TEX11: variants seen among roughly 807,000 people sequenced by gnomAD.
The protein encoded by TEX11 is testis-expressed protein 11.
TEX11 carries 7 observed loss-of-function variants against 84.4 expected under a neutral mutation model. The observed-to-expected ratio is 0.08, with a 90% confidence interval of 0.05 to 0.16. TEX11 has a LOEUF of 0.16. Among genes scored for constraint, TEX11 ranks in the 10% least tolerant of loss-of-function variants. The pLI, the probability that TEX11 is intolerant of heterozygous loss-of-function variation, is 1.00. For missense variants in TEX11, 551 were observed against 660.5 expected, an observed-to-expected ratio of 0.83 and a Z score of 1.82; for synonymous variants, 264 against 222.8, an observed-to-expected ratio of 1.18 and a Z score of -1.64.
chrX:70,879,736 G>T (rs1229418586), intron 3 of TEX11, among the ~76,000 whole-genome samples: 1 of 110,500 alleles, frequency 9.0e-6, no homozygotes, highest in African/African-American at 3.3e-5. Context: ...ACTGAAGCCT[G>T]GGGAGGTTAA....
intron 16 of TEX11, among the ~76,000 whole-genome samples, chrX:70,655,018 A>C (rs1163892474): frequency 9.0e-6 from 1 of 110,501 alleles, no homozygotes; most frequent in South Asian, 3.8e-4. Flanking sequence ...ATAATACTAG[A>C]TATAAAGAAG....
intron 24 of TEX11, among the ~76,000 whole-genome samples, chrX:70,600,028 T>C (rs2147511259): frequency 9.0e-6 from 1 of 111,169 alleles, no homozygotes; most frequent in Admixed American, 9.5e-5. Flanking sequence ...CCTTTGGGTA[T>C]ATACCCAGTA....
intron 11 of TEX11, among the ~76,000 whole-genome samples, chrX:70,726,777 T>C (rs1379165523): frequency 1.8e-5 from 2 of 110,018 alleles, no homozygotes; most frequent in African/African-American, 6.6e-5. Flanking sequence ...GTGATCCACC[T>C]GCCTCAGCCT....
At chrX:70,859,600 A>AAAAAAAG (rs1556187117) in intron 5 of TEX11, among the ~76,000 whole-genome samples, 3 of 96,267 alleles carry the variant, frequency 3.1e-5, no homozygotes, top group African/African-American at 4.3e-5. Flanking sequence ...AAAAAAAAAA[A>AAAAAAAG]AGAGAGAACA....
At chrX:70,736,723 C>T (rs1291297673) in intron 11 of TEX11, among the ~76,000 whole-genome samples, 1 of 111,060 alleles carries the variant, frequency 9.0e-6, no homozygotes, top group Admixed American at 9.6e-5. Flanking sequence ...CTGGCTGATG[C>T]CAATAAAAAG....
intron 5 of TEX11, 123 bp from the exon 6 acceptor site, chrX:70,853,451 A>G (rs980403044): frequency 2.1e-6 from 1 of 486,170 alleles, no homozygotes; most frequent in Non-Finnish European, 3.4e-6. Flanking sequence ...ACAGAAAACA[A>G]AAAGCAACAG....
intron 5 of TEX11, among the ~76,000 whole-genome samples, chrX:70,855,292 T>C (rs1052419628): frequency 1.8e-5 from 2 of 109,945 alleles, no homozygotes; most frequent in Admixed American, 1.9e-4. Flanking sequence ...TGGCCAGACA[T>C]GGTGGCTCAC....
At chrX:70,630,027 T>C (rs1461517996) in intron 17 of TEX11, among the ~76,000 whole-genome samples, 1 of 111,535 alleles carries the variant, frequency 9.0e-6, no homozygotes, top group Non-Finnish European at 1.9e-5. Flanking sequence ...AAGAGTAAAA[T>C]ATGGGCCAGG....
chrX:70,570,691 CAG>C (rs2088582927), intron 25 of TEX11, among the ~76,000 whole-genome samples: 1 of 111,509 alleles, frequency 9.0e-6, no homozygotes, highest in African/African-American at 3.3e-5. Context: ...TAGGACTACT[CAG>C]ATTATTTTTG....
chrX:70,511,752 C>CAAAAAAAAAAAAAA, the TEX11 span, among the ~76,000 whole-genome samples: 1 of 32,724 alleles, frequency 3.1e-5, no homozygotes, highest in Admixed American at 2.8e-4. Flanking sequence ...GACTCCATCT[C>CAAAAAAAAAAAAAA]AAAAAAAAAA....
chrX:70,850,060 T>C (rs2091499544), intron 7 of TEX11, among the ~76,000 whole-genome samples: 1 of 111,991 alleles, frequency 8.9e-6, no homozygotes, highest in African/African-American at 3.2e-5. Flanking sequence ...CATTATAGGA[T>C]TACTATCACT....
chrX:70,803,520 C>T (rs746341307), intron 9 of TEX11, among the ~76,000 whole-genome samples: 131 of 112,064 alleles, frequency 1.2e-3, no homozygotes, highest in Non-Finnish European at 1.9e-3. Context: ...AAACAATACC[C>T]ACTACCACTC....
intron 20 of TEX11, among the ~76,000 whole-genome samples, chrX:70,620,400 G>A (rs752090234): frequency 2.3e-4 from 26 of 111,444 alleles, no homozygotes; most frequent in African/African-American, 8.5e-4. Context: ...AAAACAATGA[G>A]TTACCACTGC....
chrX:70,617,101 T>C (rs1464835814), intron 20 of TEX11, among the ~76,000 whole-genome samples: 4 of 110,765 alleles, frequency 3.6e-5, no homozygotes, highest in Non-Finnish European at 7.6e-5. Context: ...TGTATGCTTG[T>C]ATCAAAATAT....
intron 13 of TEX11, among the ~76,000 whole-genome samples, chrX:70,692,987 G>C (rs775814233): frequency 8.9e-6 from 1 of 111,850 alleles, no homozygotes; most frequent in Non-Finnish European, 1.9e-5. Flanking sequence ...GCACACGCCT[G>C]TAATCCCAGC....
intron 16 of TEX11, among the ~76,000 whole-genome samples, chrX:70,663,090 C>T (rs2089945607): frequency 9.0e-6 from 1 of 111,425 alleles, no homozygotes; most frequent in Non-Finnish European, 1.9e-5. Flanking sequence ...TGAGCCTAGT[C>T]CCCCACAAAA....
chrX:70,533,017 G>A (rs935357584), intron 28 of TEX11, among the ~76,000 whole-genome samples: 1 of 111,119 alleles, frequency 9.0e-6, no homozygotes, highest in Non-Finnish European at 1.9e-5. Context: ...CAGCCTGGGC[G>A]ACAGGGCGAG....
chrX:70,526,670 C>CACAT (rs1434822905), downstream of TEX11, among the ~76,000 whole-genome samples: 1 of 111,372 alleles, frequency 9.0e-6, no homozygotes, highest in African/African-American at 3.3e-5. Flanking sequence ...TACGTATGTA[C>CACAT]ACATACACAC....
At chrX:70,782,776 GCTAA>G (rs1372677523) in intron 9 of TEX11, among the ~76,000 whole-genome samples, 1 of 109,683 alleles carries the variant, frequency 9.1e-6, no homozygotes, top group Non-Finnish European at 1.9e-5. Flanking sequence ...AACAAGAAGA[GCTAA>G]CTATCTTAAA....
Sources: allele counts gnomAD v4.1 joint callset (sites outside exome capture counted in the v4.1 genomes callset), GRCh38; gene constraint gnomAD v4.1.1; transcripts MANE v1.5; gene names NCBI Gene and HGNC (gene_info 2026-07-23, HGNC 2026-07-21).